SEMA5A: variants seen among roughly 807,000 people sequenced by gnomAD.
SEMA5A encodes the protein semaphorin 5A.
SEMA5A carries 55 observed loss-of-function variants against 135.5 expected under a neutral mutation model. That is an observed-to-expected ratio of 0.41 (90% CI 0.33 to 0.51). The LOEUF is 0.51. Ranked by LOEUF, SEMA5A falls within the 20% of genes least tolerant of loss-of-function variation. SEMA5A has a pLI of 0.37. For missense variants in SEMA5A, 1,290 were observed against 1,419.9 expected (o/e 0.91, Z 1.47); for synonymous variants, 580 against 546.5 (o/e 1.06, Z -0.85).
chr5:9,450,786 T>A (rs1017155143), intron 1 of SEMA5A, among the ~76,000 whole-genome samples: 1 of 152,198 alleles, frequency 6.6e-6, no homozygotes, highest in Admixed American at 6.5e-5. Flanking sequence ...GGAAAATAGT[T>A]TTAGTTAATT....
At chr5:9,376,330 C>T (rs1283912893) in intron 3 of SEMA5A, among the ~76,000 whole-genome samples, 3 of 152,190 alleles carry the variant, frequency 2.0e-5, no homozygotes, top group Admixed American at 6.5e-5. Flanking sequence ...GCAATGCTCC[C>T]TCTCTCACTT....
intron 2 of SEMA5A, among the ~76,000 whole-genome samples, chr5:9,430,848 G>GTT (rs113300584): frequency 6.9e-6 from 1 of 145,242 alleles, no homozygotes; most frequent in Non-Finnish European, 1.5e-5. Flanking sequence ...TTTGTTTTTT[G>GTT]TTTTTTTTTT....
intron 6 of SEMA5A, among the ~76,000 whole-genome samples, chr5:9,235,549 C>T (rs1313817047): frequency 6.7e-6 from 1 of 150,168 alleles, no homozygotes; most frequent in Non-Finnish European, 1.5e-5. Flanking sequence ...AAACGCTCAC[C>T]GTGGGCTGGG....
chr5:9,415,725 C>T (rs190523465), intron 2 of SEMA5A, among the ~76,000 whole-genome samples: 3 of 152,282 alleles, frequency 2.0e-5, no homozygotes, highest in East Asian at 3.9e-4. Context: ...CTGCTGAACA[C>T]CTATCAAATC....
intron 2 of SEMA5A, among the ~76,000 whole-genome samples, chr5:9,420,985 C>T (rs1757448257): frequency 6.6e-6 from 1 of 152,244 alleles, no homozygotes; most frequent in East Asian, 1.9e-4. Flanking sequence ...CACTGCACTC[C>T]AGCCTGGGTG....
Position 9,201,969 on chromosome 5 carries a change from G to T in SEMA5A, c.918C>A (p.Ile306=), listed in dbSNP as rs958079283. The change falls in exon 9 of 23, where the codon ATC becomes ATA. Residue 306 remains isoleucine (I), a synonymous_variant. Coordinates refer to ENST00000382496, the MANE Select transcript of SEMA5A (RefSeq NM_003966.3). ...AAGTTACATACACATTGGTGGTAAA[G>T]ATGCCATAGATCAAATCCAGCTCAG... The part of the protein sequence containing the change: ...FLPELDLIYG[I]FTTNVNSIAA... 1.9e-6 allele frequency: 3 copies of T among 1,614,040 alleles called. No homozygotes were observed. Among genetic ancestry groups the T allele is most frequent in the South Asian group, 2.2e-5 (2 of 91,070 alleles).
intron 16 of SEMA5A, among the ~76,000 whole-genome samples, chr5:9,097,573 TATGGAACCTACAATGGGTA>T (rs1412492983): frequency 6.6e-6 from 1 of 152,206 alleles, no homozygotes; most frequent in African/African-American, 2.4e-5. Context: ...GCCTCTGCAA[TATGGAACCTACAATGGGTA>T]ATGTCTCAGG....
rs1332946731 is a variant in SEMA5A at position 9,234,356 on chromosome 5, T to C, written c.333+3472A>G. ...GCCAGCTTGGTCACATCATGGTCAT[T>C]GTTCAGTTACTATGTTAAGAAAGCA... On this transcript the variant is annotated intron_variant, in intron 6 of 22. Transcript: ENST00000382496. Among the ~76,000 whole-genome samples, 6 of 152,270 alleles carry C rather than the reference T, an allele frequency of 3.9e-5. No individual in the cohort carries two copies. In the East Asian group the frequency reaches 9.7e-4, roughly 25 times the overall value.
intron 1 of SEMA5A, among the ~76,000 whole-genome samples, chr5:9,502,139 G>A (rs1213409070): frequency 6.6e-6 from 1 of 152,054 alleles, no homozygotes; most frequent in Non-Finnish European, 1.5e-5. Context: ...ACAATATTGA[G>A]GAAGTCACTG....
intron 16 of SEMA5A, 142 bp from the exon 17 acceptor site, chr5:9,066,788 C>T (rs111724013): frequency 9.1e-6 from 6 of 661,966 alleles, no homozygotes; most frequent in African/African-American, 5.4e-5. Context: ...AAACTAAAAA[C>T]ACATTTATGT....
chr5:9,492,722 G>A (rs1386590742), intron 1 of SEMA5A, among the ~76,000 whole-genome samples: 1 of 152,196 alleles, frequency 6.6e-6, no homozygotes, highest in Non-Finnish European at 1.5e-5. Flanking sequence ...AAAAGAAATA[G>A]AGGAACCTTT....
At chr5:9,238,135 T>G (rs994117289) in intron 5 of SEMA5A, among the ~76,000 whole-genome samples, 2 of 152,158 alleles carry the variant, frequency 1.3e-5, no homozygotes, top group African/African-American at 4.8e-5. Context: ...AATGATGGGA[T>G]GCTTAGATCT....
At chr5:9,445,941 T>A (rs1284739171) in intron 1 of SEMA5A, among the ~76,000 whole-genome samples, 4 of 152,182 alleles carry the variant, frequency 2.6e-5, no homozygotes, top group Non-Finnish European at 5.9e-5. Flanking sequence ...AGAGAAATAC[T>A]CTTCCCACTT....
At chr5:9,137,403 A>G (rs1412889823) in intron 12 of SEMA5A, among the ~76,000 whole-genome samples, 1 of 152,230 alleles carries the variant, frequency 6.6e-6, no homozygotes, top group African/African-American at 2.4e-5. Context: ...TTCATACACT[A>G]CATGGGCATT....
chr5:9,283,420 C>T (rs1750640357), intron 5 of SEMA5A, among the ~76,000 whole-genome samples: 1 of 152,168 alleles, frequency 6.6e-6, no homozygotes, highest in South Asian at 2.1e-4. Context: ...CTCTCCACAA[C>T]ATGGAATTTT....
chr5:9,184,486 A>C (rs1174840873), intron 11 of SEMA5A, among the ~76,000 whole-genome samples: 2 of 151,976 alleles, frequency 1.3e-5, no homozygotes, highest in Non-Finnish European at 2.9e-5. Flanking sequence ...GACACCAATC[A>C]CTCTGTGTGG....
At chr5:9,356,576 CA>C in intron 3 of SEMA5A, among the ~76,000 whole-genome samples, 1 of 152,124 alleles carries the variant, frequency 6.6e-6, no homozygotes, top group Admixed American at 6.5e-5. Flanking sequence ...TTTAATCAGA[CA>C]AAAACAATTT....
chr5:9,076,058 A>G (rs1299700886), intron 16 of SEMA5A, among the ~76,000 whole-genome samples: 1 of 151,948 alleles, frequency 6.6e-6, no homozygotes, highest in Non-Finnish European at 1.5e-5. Flanking sequence ...TACAAAAATT[A>G]GCTGGGCATG....
At chr5:9,488,311 A>G (rs897236334) in intron 1 of SEMA5A, among the ~76,000 whole-genome samples, 9 of 152,164 alleles carry the variant, frequency 5.9e-5, no homozygotes, top group African/African-American at 1.9e-4. Context: ...ACCCAGATGA[A>G]GTCTCAGAGG....
Sources: gnomAD v4.1 joint callset for allele counts (sites outside exome capture counted in the v4.1 genomes callset) on GRCh38, gnomAD v4.1.1 for gene constraint, MANE v1.5 for transcripts, NCBI Gene and HGNC (gene_info 2026-07-23, HGNC 2026-07-21) for gene names.